The following TBCD variants were observed in gnomAD, a reference collection of about 807,000 sequenced individuals.
The protein encoded by TBCD is tubulin-specific chaperone D.
TBCD carries 105 observed loss-of-function variants against 169.3 expected under a neutral mutation model. The observed-to-expected ratio is 0.62, with a 90% confidence interval of 0.53 to 0.73. The LOEUF is 0.73. TBCD is among the 30% of genes least tolerant of loss of function. The probability of loss-of-function intolerance (pLI) is 0.00; values close to 1 mark genes in which losing one functional copy is unlikely to be tolerated. For missense variants in TBCD, 1,444 were observed against 1,600.1 expected (o/e 0.90, Z 1.66); for synonymous variants, 700 against 643.9 (o/e 1.09, Z -1.32).
At chr17:82,836,178 C>G (rs1299148219) in intron 13 of TBCD, among the ~76,000 whole-genome samples, 1 of 152,262 alleles carries the variant, frequency 6.6e-6, no homozygotes, top group Admixed American at 6.5e-5. Flanking sequence ...AGCAGTTTCC[C>G]TGCCTCCCTT....
intron 3 of TBCD, among the ~76,000 whole-genome samples, chr17:82,765,722 T>C (rs2047987470): frequency 6.6e-6 from 1 of 152,242 alleles, no homozygotes; most frequent in South Asian, 2.1e-4. Flanking sequence ...TGTAGGCACT[T>C]ATTCCTCATA....
chr17:82,785,940 C>CT (rs2049291132), intron 7 of TBCD, among the ~76,000 whole-genome samples: 1 of 152,194 alleles, frequency 6.6e-6, no homozygotes, highest in Admixed American at 6.5e-5. Context: ...ACCACCTGGC[C>CT]TGAGGTTGGA....
intron 37 of TBCD, among the ~76,000 whole-genome samples, chr17:82,940,603 G>A (rs570971329): frequency 2.0e-5 from 3 of 152,346 alleles, no homozygotes; most frequent in East Asian, 1.9e-4. Context: ...GCTTCCGCGA[G>A]GTTTTCTGGT....
rs1336833582 is a variant in TBCD at position 82,923,835 on chromosome 17, G to C, written c.2260+102G>C. On this transcript the variant is annotated intron_variant, in intron 26 of 38. Coordinates refer to ENST00000355528, the MANE Select transcript of TBCD (RefSeq NM_005993.5). The surrounding 1 kb of genome is among the most constrained non-coding windows in gnomAD (Gnocchi z 4.6). ...GAGGCCTCGGTTGTGCAGTGGAGCA[G>C]AGCCACCACGATCATGGCTGGAGTG... 4 of 905,990 alleles carry C rather than the reference G, an allele frequency of 4.4e-6. No homozygotes were observed. The highest frequency in any genetic ancestry group is 2.8e-5 in the Admixed American group (1 of 36,340). The allele number at this position is 905,990 out of a possible 1,614,324, so 56.1% of individuals were successfully genotyped here. A position where few individuals can be genotyped will look rare whatever the true frequency, so the allele number is the denominator to read the frequency against.
At chr17:82,857,429 TAA>T (rs2056402050) in intron 13 of TBCD, among the ~76,000 whole-genome samples, 1 of 152,242 alleles carries the variant, frequency 6.6e-6, no homozygotes, top group Non-Finnish European at 1.5e-5. Context: ...TTTCTTTTGA[TAA>T]TGTCTTTGTA....
At chr17:82,800,797 G>A (rs2144671356) in intron 8 of TBCD, 67 bp from the exon 9 acceptor site, 1 of 1,543,396 alleles carries the variant, frequency 6.5e-7, no homozygotes, top group South Asian at 1.2e-5. Context: ...TGGTTTCGGG[G>A]ACACAGGTGG....
At chr17:82,940,568 G>C (rs1210850920) in intron 37 of TBCD, among the ~76,000 whole-genome samples, 4 of 152,178 alleles carry the variant, frequency 2.6e-5, no homozygotes, top group African/African-American at 9.7e-5. Context: ...CTGTGGCCTC[G>C]GAGGACAGAG....
At position 82,889,564 on chromosome 17, in the gene TBCD, T is replaced by A. The variant is rs2058987177; in HGVS notation, c.1534-104T>A. On this transcript the variant is annotated intron_variant, in intron 15 of 38. Coordinates refer to ENST00000355528, the MANE Select transcript of TBCD (RefSeq NM_005993.5). The surrounding 1 kb of genome is among the most constrained non-coding windows in gnomAD (Gnocchi z 5.3). The stretch of plus-strand genomic sequence containing the variant: ...ACAATGAGGGCTTTTATTTAAAAAA[T>A]AAAGCCGTGGGTCATTCACGTTGTG... 1.4e-6 allele frequency: 2 copies of A among 1,390,196 alleles called. No individual in the cohort carries two copies. The highest frequency in any genetic ancestry group is 1.0e-6 in the Non-Finnish European group (1 of 998,100). 86.1% of individuals were successfully genotyped at this position (1,390,196 alleles called of 1,614,324 possible). A position where few individuals can be genotyped will look rare whatever the true frequency, so the allele number is the denominator to read the frequency against.
rs916142663 is a variant in TBCD at position 82,925,154 on chromosome 17, T to G, written c.2379+97T>G. The G allele has an allele frequency of 2.6e-5, 25 of 963,856 alleles. No individual in the cohort carries two copies. The African/African-American group carries it at 3.6e-4, about 14-fold the overall frequency. The allele number at this position is 963,856 out of a possible 1,614,324, so 59.7% of individuals were successfully genotyped here. A position where few individuals can be genotyped will look rare whatever the true frequency, so the allele number is the denominator to read the frequency against. On this transcript the variant is annotated intron_variant, in intron 27 of 38. Coordinates refer to ENST00000355528, the MANE Select transcript of TBCD (RefSeq NM_005993.5). ...GTAGGCCCAGCCGTTAATAAACCCA[T>G]CAGTGCTTGTAGCTGGGAGGGGGTT...
intron 7 of TBCD, among the ~76,000 whole-genome samples, chr17:82,791,628 G>T (rs1364548871): frequency 6.6e-6 from 1 of 152,220 alleles, no homozygotes; most frequent in African/African-American, 2.4e-5. Flanking sequence ...CAGCCAGAAG[G>T]CTCAGTGATG....
chr17:82,868,617 C>T (rs2057350960), intron 13 of TBCD, among the ~76,000 whole-genome samples: 1 of 152,164 alleles, frequency 6.6e-6, no homozygotes, highest in African/African-American at 2.4e-5. Flanking sequence ...TGTGCAGAAA[C>T]ATCCATTTTT....
chr17:82,830,638 C>G, intron 13 of TBCD: 9 of 1,614,020 alleles, frequency 5.6e-6, no homozygotes, highest in Non-Finnish European at 7.6e-6. Flanking sequence ...CTGGGTGTTA[C>G]AGGGGTCCTT....
At chr17:82,784,372 G>A (rs1046739103) in intron 7 of TBCD, among the ~76,000 whole-genome samples, 1 of 152,094 alleles carries the variant, frequency 6.6e-6, no homozygotes, top group East Asian at 1.9e-4. Flanking sequence ...CGTTCCGGCC[G>A]TGCTGGGGCA....
chr17:82,774,895 C>T (rs1039354463), intron 6 of TBCD, among the ~76,000 whole-genome samples: 1 of 152,246 alleles, frequency 6.6e-6, no homozygotes, highest in Non-Finnish European at 1.5e-5. Context: ...GTTCTTTCCC[C>T]GTCTTTTCCA....
In TBCD at chr17:82,915,196, G is replaced by A. The variant is rs112305530; in HGVS notation, c.2038+3407G>A. On this transcript the variant is annotated intron_variant, in intron 23 of 38. Coordinates refer to ENST00000355528, the MANE Select transcript of TBCD (RefSeq NM_005993.5). This position sits in a 1 kb window ranked among gnomAD's most constrained non-coding sequence, Gnocchi z 4.3. ...GCCAGAGGATGGCGCCCTTACCCCC[G>A]AGGACGCCGGCATGTCGGTGACATG... Among the ~76,000 whole-genome samples the A allele has an allele frequency of 7.0e-4, 106 of 152,260 alleles. 3 individuals carry two copies. The Middle Eastern group carries it at 0.01, about 15-fold the overall frequency.
intron 4 of TBCD, among the ~76,000 whole-genome samples, chr17:82,766,631 C>T (rs1311486202): frequency 6.6e-6 from 1 of 152,076 alleles, no homozygotes; most frequent in Non-Finnish European, 1.5e-5. Context: ...GTCATTGTTT[C>T]TATGTTTTTT....
chr17:82,812,230 C>T (rs1031244082), intron 12 of TBCD, among the ~76,000 whole-genome samples: 2 of 152,210 alleles, frequency 1.3e-5, no homozygotes, highest in African/African-American at 4.8e-5. Context: ...CCGGGCCCAG[C>T]TGTGGGTCCT....
Position 82,780,808 on chromosome 17 carries a change from C to G in TBCD, c.639-781C>G, listed in dbSNP as rs115814743. On this transcript the variant is annotated intron_variant, in intron 6 of 38. Transcript: ENST00000355528. ...TACAGGCGCACAGCACCACACCCGG[C>G]TAATTTTTTGTGTATTTTTAATAGC... Among the ~76,000 whole-genome samples the G allele has an allele frequency of 5.4e-3, 816 of 151,970 alleles. 9 individuals are homozygous for G. Among genetic ancestry groups the G allele is most frequent in the African/African-American group, 0.018 (765 of 41,504 alleles).
At chr17:82,911,855 C>T in intron 23 of TBCD, 66 bp downstream of exon 23, 1 of 1,580,002 alleles carries the variant, frequency 6.3e-7, no homozygotes, top group Non-Finnish European at 8.7e-7. Flanking sequence ...GGGAGGTGTG[C>T]TCGTGGCGTG....
Sources: gnomAD v4.1 joint callset for allele counts (sites outside exome capture counted in the v4.1 genomes callset) on GRCh38, gnomAD v4.1.1 for gene constraint, Gnocchi (gnomAD v3.1) non-coding constraint, MANE v1.5 for transcripts, NCBI Gene and HGNC (gene_info 2026-07-23, HGNC 2026-07-21) for gene names.